The following PCDHGA5 variants were observed in gnomAD, a reference collection of about 807,000 sequenced individuals.
PCDHGA5 encodes protocadherin gamma-A5.
Under a neutral mutation model 56.7 loss-of-function variants are expected in PCDHGA5, and 36 were observed. That is an observed-to-expected ratio of 0.64 (90% CI 0.49 to 0.84). PCDHGA5 has a LOEUF of 0.84. PCDHGA5 is among the 40% of genes least tolerant of loss of function. The probability of loss-of-function intolerance (pLI) is 0.00; values close to 1 mark genes in which losing one functional copy is unlikely to be tolerated. For synonymous variants in PCDHGA5, 563 were observed against 520.2 expected (o/e 1.08, Z -1.12); for missense variants, 1,305 against 1,201.5 (o/e 1.09, Z -1.27).
At chr5:141,492,189 G>A (rs2099737936) in intron 1 of PCDHGA5, among the ~76,000 whole-genome samples, 1 of 152,204 alleles carries the variant, frequency 6.6e-6, no homozygotes, top group East Asian at 1.9e-4. Flanking sequence ...GCACCTGTCT[G>A]CGGGACTTAG....
chr5:141,481,181 G>C (rs1364223040), intron 1 of PCDHGA5, among the ~76,000 whole-genome samples: 1 of 152,154 alleles, frequency 6.6e-6, no homozygotes, highest in Non-Finnish European at 1.5e-5. Context: ...CAGCTTTATT[G>C]GGCCAGGCCC....
rs1340692426 is a variant in PCDHGA5 at position 141,485,025 on chromosome 5, A to C, written c.2422-9782A>C. ...CAAATCTACCCCGCCACCAGCAAAAACGGCGCGTAACCCTTGCGGCGCCGG... is the reference window on the plus strand; with the variant it reads ...CAAATCTACCCCGCCACCAGCAAAACCGGCGCGTAACCCTTGCGGCGCCGG... On this transcript the variant is annotated intron_variant, in intron 1 of 3. Transcript: ENST00000518069. This position sits in a 1 kb window ranked among gnomAD's most constrained non-coding sequence, Gnocchi z 5.7. 2 of 657,796 alleles carry C rather than the reference A, an allele frequency of 3.0e-6. No homozygotes were observed. The highest frequency in any genetic ancestry group is 5.4e-6 in the Non-Finnish European group (2 of 369,210). The allele number at this position is 657,796 out of a possible 1,614,324, so 40.7% of individuals were successfully genotyped here.
At chr5:141,414,245 T>A in intron 1 of PCDHGA5, 2 of 1,613,498 alleles carry the variant, frequency 1.2e-6, no homozygotes, top group Non-Finnish European at 1.7e-6. Context: ...ACGTCTCTAT[T>A]TAGTCCAGTG....
intron 1 of PCDHGA5, chr5:141,399,691 C>A: frequency 6.2e-7 from 1 of 1,613,480 alleles, no homozygotes; most frequent in Non-Finnish European, 8.5e-7. Context: ...CGAGCAGCTG[C>A]GCACCTTCGA....
intron 1 of PCDHGA5, chr5:141,375,696 G>A: frequency 6.2e-7 from 1 of 1,614,260 alleles, no homozygotes; most frequent in African/African-American, 1.3e-5. Flanking sequence ...AGCGACAGCG[G>A]GGACCCGCCT....
chr5:141,372,231 G>A, intron 1 of PCDHGA5: 2 of 1,613,374 alleles, frequency 1.2e-6, no homozygotes, highest in Non-Finnish European at 8.5e-7. Flanking sequence ...GCAGGCCAGC[G>A]AGCCCGGGCT....
Position 141,487,007 on chromosome 5 carries a change from G to C in PCDHGA5, c.2422-7800G>C, listed in dbSNP as rs563548715. On this transcript the variant is annotated intron_variant, in intron 1 of 3. Transcript: ENST00000518069. This position sits in a 1 kb window ranked among gnomAD's most constrained non-coding sequence, Gnocchi z 5.0. ...TGCTTGGGTTTCCTATCAGCTCCTG[G>C]AGGCCCCAGATCCCAGCCTGTTTGC... The C allele has an allele frequency of 6.2e-7, 1 of 1,614,206 alleles. No individual in the cohort carries two copies. Among genetic ancestry groups the C allele is most frequent in the Non-Finnish European group, 8.5e-7 (1 of 1,180,042 alleles).
In PCDHGA5 at chr5:141,399,480, G is replaced by T. The variant is rs760135566; in HGVS notation, c.2421+32729G>T. ...ATAACGCTCCGGTTTTCCACCAGGC[G>T]TCCTACTTAGTCAGTGTACCCGAAA... On this transcript the variant is annotated intron_variant, in intron 1 of 3. Coordinates refer to ENST00000518069, the MANE Select transcript of PCDHGA5 (RefSeq NM_018918.3). The T allele has an allele frequency of 1.9e-5, 31 of 1,613,886 alleles. No homozygotes were observed. In the South Asian group the frequency reaches 3.2e-4, roughly 17 times the overall value.
intron 1 of PCDHGA5, chr5:141,418,548 T>C: frequency 6.2e-7 from 1 of 1,613,964 alleles, no homozygotes; most frequent in Non-Finnish European, 8.5e-7. Flanking sequence ...CAGATAAGAA[T>C]CCTGGTAATA....
chr5:141,495,300 C>T (rs1249195819), intron 2 of PCDHGA5, among the ~76,000 whole-genome samples: 1 of 152,204 alleles, frequency 6.6e-6, no homozygotes, highest in Non-Finnish European at 1.5e-5. Context: ...AGCGCCTCCT[C>T]CAGAGCCTCC....
At position 141,365,567 on chromosome 5, in the gene PCDHGA5, GA is replaced by G; in HGVS notation, c.1239del (p.Glu414ArgfsTer9). On this transcript the variant is annotated frameshift_variant, in exon 1 of 4. Transcript: ENST00000518069. LOFTEE classifies it high-confidence loss of function. Reference sequence around the variant, plus strand: ...ATTAACAACTAGGGACCTGGACAGAGAAGAGACTTCAGATTATAATATCACT... The same window carrying G: ...ATTAACAACTAGGGACCTGGACAGAGAGAGACTTCAGATTATAATATCACT... ...HLLTTRDLDR[E>X]ETSDYNITLT... 1 of 1,613,698 alleles carries G rather than the reference GA, an allele frequency of 6.2e-7. No individual in the cohort carries two copies. The highest frequency in any genetic ancestry group is 8.5e-7 in the Non-Finnish European group (1 of 1,179,894).
chr5:141,374,336 G>A, intron 1 of PCDHGA5: 1 of 1,614,008 alleles, frequency 6.2e-7, no homozygotes, highest in Non-Finnish European at 8.5e-7. Context: ...CGGCAGCTTG[G>A]TCACCGCGGG....
rs1206130340 is a variant in PCDHGA5, at chr5:141,473,814, G to A, written c.2422-20993G>A. On this transcript the variant is annotated intron_variant, in intron 1 of 3. Coordinates refer to ENST00000518069, the MANE Select transcript of PCDHGA5 (RefSeq NM_018918.3). ...GTATGATGCTACTGAGGAGCAGCTG[G>A]ACAATTGTGTGATCCAATTAAAATT... Among the ~76,000 whole-genome samples, 5 of 152,188 alleles carry A rather than the reference G, an allele frequency of 3.3e-5. No individual in the cohort carries two copies. The East Asian group carries it at 9.6e-4, about 29-fold the overall frequency.
At chr5:141,440,912 G>T (rs1281398967) in intron 1 of PCDHGA5, 1 of 152,254 alleles carries the variant, frequency 6.6e-6, no homozygotes, top group Admixed American at 6.5e-5. Context: ...GGGCACTCCT[G>T]TGCTGAGAGT....
chr5:141,419,013 G>A, intron 1 of PCDHGA5: 2 of 1,613,958 alleles, frequency 1.2e-6, no homozygotes, highest in South Asian at 2.2e-5. Flanking sequence ...GTCAGGTGTA[G>A]CTTAAGTAGA....
At chr5:141,386,071 T>C (rs1306390506) in intron 1 of PCDHGA5, 4 of 152,214 alleles carry the variant, frequency 2.6e-5, no homozygotes, top group Non-Finnish European at 5.9e-5. Context: ...CAGTATGTTG[T>C]TTTAGTGGTA....
Position 141,431,473 on chromosome 5 carries a change from C to A in PCDHGA5, c.2422-63334C>A, listed in dbSNP as rs750300971. 16 of 1,613,714 alleles carry A rather than the reference C, an allele frequency of 9.9e-6. 1 individual carries two copies. The highest frequency in any genetic ancestry group is 9.3e-5 in the African/African-American group (7 of 74,948). On this transcript the variant is annotated intron_variant, in intron 1 of 3. Transcript: ENST00000518069. This position sits in a 1 kb window ranked among gnomAD's most constrained non-coding sequence, Gnocchi z 4.8. Reference sequence around the variant, plus strand: ...TGATGGTTCTGGATGCGAACGACAACGCACCAGCGTTTGCTCAGCCCGAGT... The same window carrying A: ...TGATGGTTCTGGATGCGAACGACAAAGCACCAGCGTTTGCTCAGCCCGAGT...
At chr5:141,413,202 G>T (rs768256888) in intron 1 of PCDHGA5, 19 of 1,612,062 alleles carry the variant, frequency 1.2e-5, no homozygotes, top group Non-Finnish European at 1.6e-5. Flanking sequence ...ATCGCTCAAA[G>T]GAATCAAAGG....
Position 141,478,316 on chromosome 5 carries a change from C to T in PCDHGA5, c.2422-16491C>T, listed in dbSNP as rs776948755. ...CCTATACCGAGCCCCGGTGAGCTCA[C>T]TGTACCGAACACCAGGGCCCTCCTT... On this transcript the variant is annotated intron_variant, in intron 1 of 3. Coordinates refer to ENST00000518069, the MANE Select transcript of PCDHGA5 (RefSeq NM_018918.3). 120 of 1,613,924 alleles carry T rather than the reference C, an allele frequency of 7.4e-5. 2 individuals carry two copies. In the South Asian group the frequency reaches 1.3e-3, roughly 18 times the overall value.
Sources: allele counts gnomAD v4.1 joint callset (sites outside exome capture counted in the v4.1 genomes callset), GRCh38; gene constraint gnomAD v4.1.1; non-coding constraint Gnocchi (gnomAD v3.1); transcripts MANE v1.5; gene names NCBI Gene and HGNC (gene_info 2026-07-23, HGNC 2026-07-21).